The following TEKT1 variants were observed in gnomAD, a reference collection of about 807,000 sequenced individuals.
TEKT1 encodes the protein tektin 1, also known as tektin-1.
A neutral mutation model predicts 34.8 loss-of-function variants in TEKT1; 32 were observed. The ratio of observed to expected loss-of-function variants is 0.92; its 90% CI spans 0.69 to 1.23. TEKT1 has a LOEUF of 1.23. TEKT1 is among the 50% of genes most tolerant of loss of function. The probability of loss-of-function intolerance (pLI) is 0.00; values close to 1 mark genes in which losing one functional copy is unlikely to be tolerated. For missense variants in TEKT1, 492 were observed against 518.5 expected (o/e 0.95, Z 0.50); for synonymous variants, 207 against 199.8 (o/e 1.04, Z -0.30).
At position 6,813,059 on chromosome 17, in the gene TEKT1, A is replaced by G. The variant is rs750271347; in HGVS notation, c.630-6T>C. 2 of 1,611,814 alleles carry G rather than the reference A, an allele frequency of 1.2e-6. No homozygotes were observed. Among genetic ancestry groups the G allele is most frequent in the Admixed American group, 3.3e-5 (2 of 59,968 alleles). ...AGTCTTCCAGACTCACGGAGCTGAA[A>G]CAGACCTCACGCTTTCATTCACAGC... On this transcript the variant is annotated splice_polypyrimidine_tract_variant and splice_region_variant and intron_variant, in intron 5 of 7. Coordinates refer to ENST00000338694, the MANE Select transcript of TEKT1 (RefSeq NM_053285.2).
At chr17:6,800,331 T>C (rs1976752439) in intron 7 of TEKT1, 97 bp from the exon 8 acceptor site, 3 of 992,818 alleles carry the variant, frequency 3.0e-6, no homozygotes, top group Admixed American at 2.6e-5. Flanking sequence ...AGGAGCCAAA[T>C]TGATATGTGC....
intron 7 of TEKT1, 71 bp downstream of exon 7, chr17:6,800,672 ACTAT>A (rs1976757387): frequency 6.7e-7 from 1 of 1,489,664 alleles, no homozygotes; most frequent in Non-Finnish European, 9.1e-7. Context: ...GCTGCTGGTC[ACTAT>A]CTAGCCTCTG....
At chr17:6,825,792 A>C (rs1006728142) in intron 2 of TEKT1, among the ~76,000 whole-genome samples, 4 of 152,252 alleles carry the variant, frequency 2.6e-5, no homozygotes, top group African/African-American at 9.6e-5. Flanking sequence ...GTAGTGTTGT[A>C]TATAGCTGTA....
In TEKT1 at chr17:6,811,545, G is replaced by A. The variant is rs1357213178; in HGVS notation, c.852+1286C>T. ...CTCTGACGTCTACCCATTTCCACTA[G>A]GCTCGTCTACCTCTCGGTTTGCTGA... is the stretch of plus-strand genomic sequence containing the variant. On this transcript the variant is annotated intron_variant, in intron 6 of 7. Transcript: ENST00000338694. This position sits in a 1 kb window ranked among gnomAD's most constrained non-coding sequence, Gnocchi z 4.4. Among the ~76,000 whole-genome samples the A allele has an allele frequency of 6.6e-6, 1 of 152,064 alleles. No homozygotes were observed. Among genetic ancestry groups the A allele is most frequent in the African/African-American group, 2.4e-5 (1 of 41,416 alleles).
At chr17:6,827,492 G>C (rs1904444356) in intron 2 of TEKT1, among the ~76,000 whole-genome samples, 1 of 151,840 alleles carries the variant, frequency 6.6e-6, no homozygotes. Flanking sequence ...TTGAACTCCT[G>C]ACCTCAGGTG....
chr17:6,826,078 A>C lies in TEKT1; in HGVS notation c.190+4109T>G, dbSNP rs550437435. ...TCCACCAGCAGAATATGACAGTAAC[A>C]GTTGCTCCACATCCTCTTTCCTCTC... On this transcript the variant is annotated intron_variant, in intron 2 of 7. Transcript: ENST00000338694. Among the ~76,000 whole-genome samples the C allele has an allele frequency of 2.0e-5, 3 of 152,332 alleles. 1 individual carries two copies. Among genetic ancestry groups the C allele is most frequent in the African/African-American group, 7.2e-5 (3 of 41,588 alleles).
chr17:6,809,970 T>C (rs1976904495), intron 6 of TEKT1, among the ~76,000 whole-genome samples: 1 of 152,256 alleles, frequency 6.6e-6, no homozygotes, highest in African/African-American at 2.4e-5. Context: ...GGTTTTTGTA[T>C]GAACATAAGT....
intron 6 of TEKT1, among the ~76,000 whole-genome samples, chr17:6,801,283 C>A (rs1045869250): frequency 2.0e-5 from 3 of 152,210 alleles, no homozygotes; most frequent in African/African-American, 7.2e-5. Context: ...GTATCATGAG[C>A]AGAAAGCTGC....
Position 6,811,228 on chromosome 17 carries a change from A to T in TEKT1, c.852+1603T>A, listed in dbSNP as rs1232553290. On this transcript the variant is annotated intron_variant, in intron 6 of 7. Transcript: ENST00000338694. This position sits in a 1 kb window ranked among gnomAD's most constrained non-coding sequence, Gnocchi z 4.4. ...GTCTCTGGATTATTCCTTGGCTATCATCATCATCATCATCATCATCAATCA... is the reference window on the plus strand; with the variant it reads ...GTCTCTGGATTATTCCTTGGCTATCTTCATCATCATCATCATCATCAATCA... Among the ~76,000 whole-genome samples, 1 of 151,594 alleles carries T rather than the reference A, an allele frequency of 6.6e-6. No homozygotes were observed. The highest frequency in any genetic ancestry group is 6.6e-5 in the Admixed American group (1 of 15,216).
chr17:6,800,307 C>G (rs1318738847), intron 7 of TEKT1, 73 bp from the exon 8 acceptor site: 3 of 1,446,888 alleles, frequency 2.1e-6, no homozygotes, highest in Non-Finnish European at 2.8e-6. Flanking sequence ...AGAATGTTCC[C>G]CAGTGTTCAG....
intron 2 of TEKT1, among the ~76,000 whole-genome samples, chr17:6,828,422 C>T (rs2151592979): frequency 6.6e-6 from 1 of 152,300 alleles, no homozygotes; most frequent in African/African-American, 2.4e-5. Flanking sequence ...CAGGTTTGAT[C>T]CATAAACGTG....
Position 6,800,840 on chromosome 17 carries a change from G to T in TEKT1, c.956C>A (p.Thr319Asn). 6.2e-7 allele frequency: 1 copy of T among 1,614,140 alleles called. No individual in the cohort carries two copies. Among genetic ancestry groups the T allele is most frequent in the Non-Finnish European group, 8.5e-7 (1 of 1,180,012 alleles). Residue 319 changes from threonine (T) to asparagine (N), a missense_variant, in exon 7 of 8, where the codon ACC (threonine) becomes AAC (asparagine). Physicochemically the swap from Thr to Asn is moderately conservative, Grantham distance 65. Transcript: ENST00000338694. ...PAKVAHTRLE[T>N]RTHRPNVELC... The stretch of plus-strand genomic sequence containing the variant: ...CTCCACGTTCGGCCGGTGTGTCCTG[G>T]TCTCCAAGCGCGTATGAGCCACCTT...
chr17:6,808,684 T>TA (rs969229940), intron 6 of TEKT1, among the ~76,000 whole-genome samples: 7 of 152,098 alleles, frequency 4.6e-5, no homozygotes, highest in African/African-American at 1.2e-4. Context: ...AACAAATTAG[T>TA]AAAAAAAGAT....
intron 3 of TEKT1, among the ~76,000 whole-genome samples, chr17:6,818,363 C>T (rs559548089): frequency 2.2e-4 from 34 of 152,232 alleles, no homozygotes; most frequent in Admixed American, 9.2e-4. Context: ...GCTAGGTCTG[C>T]GGCAGAACCC....
Position 6,821,473 on chromosome 17 carries a change from T to C in TEKT1, c.191-2115A>G, listed in dbSNP as rs114738521. Among the ~76,000 whole-genome samples, 881 of 152,318 alleles carry C rather than the reference T, an allele frequency of 5.8e-3. 7 individuals carry two copies. The highest frequency in any genetic ancestry group is 0.017 in the Middle Eastern group (5 of 294). ...AGGTCTCCCTAGCCATGTGGAACTG[T>C]GGGTCGATTAAACCTCTTTCCTTTA... On this transcript the variant is annotated intron_variant, in intron 2 of 7. Coordinates refer to ENST00000338694, the MANE Select transcript of TEKT1 (RefSeq NM_053285.2).
chr17:6,817,509 T>A (rs1371131636), intron 3 of TEKT1, among the ~76,000 whole-genome samples: 1 of 152,158 alleles, frequency 6.6e-6, no homozygotes, highest in Non-Finnish European at 1.5e-5. Context: ...ATATAAACAT[T>A]CTTTCTTAGC....
chr17:6,802,277 A>G (rs1373485240), intron 6 of TEKT1, among the ~76,000 whole-genome samples: 1 of 152,188 alleles, frequency 6.6e-6, no homozygotes, highest in Non-Finnish European at 1.5e-5. Flanking sequence ...CAGATATACT[A>G]TTTTTAAATT....
rs1567680610 is a variant in TEKT1 at position 6,819,341 on chromosome 17, C to T, written c.208G>A (p.Val70Ile). The change falls in exon 3 of 8, where the codon GTC (valine) becomes ATC (isoleucine). Residue 70 changes from valine (V) to isoleucine (I), a missense_variant. Val to Ile is a conservative substitution (Grantham distance 29, BLOSUM62 3). Coordinates refer to ENST00000338694, the MANE Select transcript of TEKT1 (RefSeq NM_053285.2). ...TCTAACTCCTTCTTCCAGAACTGGA[C>T]TTCCTCGAGTCTCTGTTCTGAAGCA... ...NKKLEQRLEEVQFWKKELDDK... is the reference protein window; with the variant it reads ...NKKLEQRLEEIQFWKKELDDK... 6.2e-7 allele frequency: 1 copy of T among 1,613,652 alleles called. No individual in the cohort carries two copies.
chr17:6,808,322 A>G (rs529378188), intron 6 of TEKT1, among the ~76,000 whole-genome samples: 1 of 152,320 alleles, frequency 6.6e-6, no homozygotes, highest in East Asian at 1.9e-4. Flanking sequence ...GGGAAAGCGC[A>G]GTATTAGGGT....
Sources: allele counts gnomAD v4.1 joint callset (sites outside exome capture counted in the v4.1 genomes callset), GRCh38; gene constraint gnomAD v4.1.1; non-coding constraint Gnocchi (gnomAD v3.1); transcripts MANE v1.5; gene names NCBI Gene and HGNC (gene_info 2026-07-23, HGNC 2026-07-21).